Variants in TMEM181 observed in about 807,000 individuals in gnomAD.
The protein encoded by TMEM181 is G protein-coupled receptor 178.
In TMEM181, 39 loss-of-function variants were observed where a neutral mutation model predicts 71.9. The observed-to-expected ratio is 0.54, with a 90% CI of 0.42 to 0.71. The LOEUF (loss-of-function observed/expected upper bound fraction) is 0.71. Ranked by LOEUF, TMEM181 falls within the 30% of genes least tolerant of loss-of-function variation. TMEM181 has a pLI of 0.00. For synonymous variants in TMEM181, 245 were observed against 228.8 expected, an observed-to-expected ratio of 1.07 and a Z score of -0.64; for missense variants, 595 against 583.0, an observed-to-expected ratio of 1.02 and a Z score of -0.21.
At chr6:158,554,323 C>T (rs1269294250) in intron 1 of TMEM181, among the ~76,000 whole-genome samples, 3 of 152,066 alleles carry the variant, frequency 2.0e-5, no homozygotes, top group East Asian at 3.9e-4. Context: ...TGACCTCAGG[C>T]AGTCCGCTCA....
chr6:158,610,333 A>G (rs527561102), intron 10 of TMEM181: 162 of 289,920 alleles, frequency 5.6e-4, no homozygotes, highest in African/African-American at 3.3e-3. Context: ...CTCTTTCAAC[A>G]GCTCCCCCCG....
At chr6:158,627,619 G>C (rs1416791100) in intron 13 of TMEM181, among the ~76,000 whole-genome samples, 1 of 133,964 alleles carries the variant, frequency 7.5e-6, no homozygotes, top group Non-Finnish European at 1.6e-5. Flanking sequence ...GGCACCGGCA[G>C]CCTGGGTGGG....
intron 1 of TMEM181, among the ~76,000 whole-genome samples, chr6:158,569,623 C>T (rs112705593): frequency 0.021 from 3,096 of 148,722 alleles, 107 homozygotes; most frequent in African/African-American, 0.072. Context: ...TAAATTGAGA[C>T]AGGGTCTTGC....
chr6:158,554,366 G>GT (rs1026701595), intron 1 of TMEM181, among the ~76,000 whole-genome samples: 24 of 152,210 alleles, frequency 1.6e-4, no homozygotes, highest in African/African-American at 5.5e-4. Context: ...GATTACAGGC[G>GT]TGAGCCACCG....
intron 4 of TMEM181, among the ~76,000 whole-genome samples, chr6:158,584,670 C>G (rs1385754955): frequency 6.6e-6 from 1 of 152,140 alleles, no homozygotes; most frequent in Non-Finnish European, 1.5e-5. Context: ...ATGAGACACT[C>G]TGGTTGAGAA....
rs980650249 is a variant in TMEM181, at chr6:158,611,541, G to A, written c.896+2791G>A. The A allele has an allele frequency of 1.1e-5, 5 of 458,788 alleles. No individual in the cohort carries two copies. The Admixed American group carries it at 1.3e-4, about 12-fold the overall frequency. The allele number at this position is 458,788 out of a possible 1,614,324, so 28.4% of individuals were successfully genotyped here. On this transcript the variant is annotated intron_variant, in intron 10 of 16. Transcript: ENST00000684151. ...CATGGAGTTACGAGAACTATCTTTG[G>A]AATCAGCCTTAAAGCTGCAGGCTTC...
In TMEM181 at chr6:158,625,394, T is replaced by C. The variant is rs1183088276; in HGVS notation, c.1057+188T>C. On this transcript the variant is annotated intron_variant, in intron 12 of 16. Transcript: ENST00000684151. ...ACAGGCCTTACAGGTTACTCTGGCATTTGGGACCATCAGAGTGGCCTGGGT... is the reference window on the plus strand; with the variant it reads ...ACAGGCCTTACAGGTTACTCTGGCACTTGGGACCATCAGAGTGGCCTGGGT... Among the ~76,000 whole-genome samples, 4 of 152,094 alleles carry C rather than the reference T, an allele frequency of 2.6e-5. No individual in the cohort carries two copies. The East Asian group carries it at 7.7e-4, about 29-fold the overall frequency.
intron 12 of TMEM181, 76 bp downstream of exon 12, chr6:158,625,282 C>T (rs1786211738): frequency 1.5e-6 from 2 of 1,334,552 alleles, no homozygotes; most frequent in Non-Finnish European, 1.1e-6. Context: ...GTTGGAGTCT[C>T]CCAAGCCAGG....
upstream of TMEM181, among the ~76,000 whole-genome samples, chr6:158,559,872 G>A (rs1030753300): frequency 1.4e-4 from 21 of 152,256 alleles, no homozygotes; most frequent in Non-Finnish European, 2.8e-4. Flanking sequence ...CTAGGGACAA[G>A]AGGTAAACTA....
At chr6:158,559,572 C>T (rs965137517), upstream of TMEM181, among the ~76,000 whole-genome samples, 2 of 152,170 alleles carry the variant, frequency 1.3e-5, no homozygotes, top group Non-Finnish European at 2.9e-5. Context: ...GCTTTTGGTC[C>T]ACTGGTCTAG....
chr6:158,598,518 A>C (rs1414613629), intron 6 of TMEM181, among the ~76,000 whole-genome samples: 1 of 151,836 alleles, frequency 6.6e-6, no homozygotes, highest in East Asian at 1.9e-4. Context: ...AGCTTCTGAG[A>C]CCTGTGCTTA....
At chr6:158,611,338 C>G in intron 10 of TMEM181, 1 of 518,732 alleles carries the variant, frequency 1.9e-6, no homozygotes, top group Non-Finnish European at 3.9e-6. Context: ...TGGTTTTGAA[C>G]TAGTGACAGC....
intron 6 of TMEM181, 61 bp downstream of exon 6, chr6:158,589,843 C>A: frequency 1.7e-6 from 2 of 1,203,516 alleles, no homozygotes; most frequent in Non-Finnish European, 1.2e-6. Flanking sequence ...ATTCTTTGTT[C>A]AATGATTGAA....
intron 10 of TMEM181, chr6:158,609,704 G>A: frequency 3.8e-6 from 1 of 259,946 alleles, no homozygotes; most frequent in South Asian, 5.4e-5. Flanking sequence ...TGCCCTCTCT[G>A]CTTAAAGACT....
intron 4 of TMEM181, 70 bp downstream of exon 4, chr6:158,584,114 C>A (rs1435146397): frequency 1.3e-5 from 17 of 1,290,166 alleles, no homozygotes; most frequent in African/African-American, 3.0e-5. Flanking sequence ...ATGTTGACTT[C>A]AGAATATTCA....
rs886677748 is a variant in TMEM181 at position 158,620,253 on chromosome 6, A to G, written c.897-3297A>G. Among the ~76,000 whole-genome samples, 1 of 152,210 alleles carries G rather than the reference A, an allele frequency of 6.6e-6. No individual in the cohort carries two copies. The highest frequency in any genetic ancestry group is 2.4e-5 in the African/African-American group (1 of 41,518). ...TTTTTATTAGGCATCCCCAGACAAG[A>G]GACCTGGAATCTTCTTTCCAAAGAG... On this transcript the variant is annotated intron_variant, in intron 10 of 16. Transcript: ENST00000684151. The surrounding 1 kb of genome is among the most constrained non-coding windows in gnomAD (Gnocchi z 4.5).
At chr6:158,610,767 T>C in intron 10 of TMEM181, 1 of 313,980 alleles carries the variant, frequency 3.2e-6, no homozygotes, top group Non-Finnish European at 6.0e-6. Context: ...CAGCCTGTGC[T>C]GCGTCATTGC....
At chr6:158,618,576 TC>T (rs1785760378) in intron 10 of TMEM181, among the ~76,000 whole-genome samples, 2 of 152,108 alleles carry the variant, frequency 1.3e-5, no homozygotes, top group Admixed American at 1.3e-4. Flanking sequence ...TGATGCTGTT[TC>T]TTCCTAGCAT....
At chr6:158,587,729 C>T (rs1400509619) in intron 5 of TMEM181, among the ~76,000 whole-genome samples, 1 of 151,626 alleles carries the variant, frequency 6.6e-6, no homozygotes, top group Non-Finnish European at 1.5e-5. Flanking sequence ...GGTACCATCA[C>T]GTGATTTTCA....
Sources: allele counts gnomAD v4.1 joint callset (sites outside exome capture counted in the v4.1 genomes callset), GRCh38; gene constraint gnomAD v4.1.1; non-coding constraint Gnocchi (gnomAD v3.1); transcripts MANE v1.5; gene names NCBI Gene and HGNC (gene_info 2026-07-23, HGNC 2026-07-21).